The following MASP1 variants were observed in gnomAD, a reference collection of about 807,000 sequenced individuals.
MASP1 encodes mannan-binding lectin serine protease 1.
MASP1 carries 59 observed loss-of-function variants against 77.1 expected under a neutral mutation model. The ratio of observed to expected loss-of-function variants is 0.77; its 90% confidence interval spans 0.62 to 0.95. The LOEUF is 0.95. MASP1 is among the 40% of genes least tolerant of loss of function. The pLI, the probability that MASP1 is intolerant of heterozygous loss-of-function variation, is 0.00. For missense variants in MASP1, 885 were observed against 912.9 expected (o/e 0.97, Z 0.39); for synonymous variants, 362 against 354.5 (o/e 1.02, Z -0.24).
At chr3:187,227,986 G>T (rs1208211560) in intron 11 of MASP1, among the ~76,000 whole-genome samples, 2 of 152,162 alleles carry the variant, frequency 1.3e-5, no homozygotes, top group Non-Finnish European at 2.9e-5. Flanking sequence ...TGAATGACAG[G>T]AGGGAGACAG....
intron 2 of MASP1, among the ~76,000 whole-genome samples, chr3:187,282,202 T>C (rs369221350): frequency 1.3e-5 from 2 of 152,032 alleles, no homozygotes; most frequent in African/African-American, 4.8e-5. Flanking sequence ...TAACTGAAGA[T>C]TTTCAAGAAG....
intron 1 of MASP1, among the ~76,000 whole-genome samples, chr3:187,290,066 A>C (rs4686869): frequency 2.0e-5 from 3 of 152,088 alleles, no homozygotes; most frequent in African/African-American, 7.2e-5. Flanking sequence ...GGAAATAGAC[A>C]TTATGCTAGG....
chr3:187,238,709 T>C (rs1382458814), intron 10 of MASP1, among the ~76,000 whole-genome samples: 1 of 152,194 alleles, frequency 6.6e-6, no homozygotes, highest in South Asian at 2.1e-4. Context: ...TCAAAAGTAT[T>C]GAGTTCACCT....
exon 16 of MASP1, chr3:187,220,209 A>G: frequency 6.2e-7 from 1 of 1,614,146 alleles, no homozygotes; most frequent in Non-Finnish European, 8.5e-7. Context: ...CTCTTTCTCT[A>G]TTCAGGGTCA....
chr3:187,234,003 A>T, downstream of MASP1: 1 of 1,035,624 alleles, frequency 9.7e-7, no homozygotes, highest in Non-Finnish European at 1.2e-6. Context: ...TGGTTTAATG[A>T]GGAGACCAAT....
At chr3:187,224,845 T>C (rs1211404269) in intron 13 of MASP1, among the ~76,000 whole-genome samples, 1 of 152,224 alleles carries the variant, frequency 6.6e-6, no homozygotes, top group Non-Finnish European at 1.5e-5. Context: ...TTCACCCCAG[T>C]AGTGGCCATT....
intron 2 of MASP1, chr3:187,276,695 T>C (rs1488877074): frequency 6.6e-6 from 1 of 152,248 alleles, no homozygotes; most frequent in African/African-American, 2.4e-5. Flanking sequence ...CATTACACTT[T>C]CCTGAAGCAA....
downstream of MASP1, among the ~76,000 whole-genome samples, chr3:187,230,555 C>T (rs975868800): frequency 2.0e-5 from 3 of 152,180 alleles, no homozygotes; most frequent in South Asian, 6.2e-4. Context: ...TCATTATGCT[C>T]CAGCCACATG....
exon 16 of MASP1, chr3:187,217,582 G>T (rs893669528): frequency 6.6e-6 from 1 of 152,192 alleles, no homozygotes; most frequent in African/African-American, 2.4e-5. Context: ...GCAATTGGGG[G>T]TAGTGAGTTT....
intron 8 of MASP1, among the ~76,000 whole-genome samples, chr3:187,249,496 T>C (rs1221450876): frequency 6.6e-6 from 1 of 152,156 alleles, no homozygotes; most frequent in East Asian, 1.9e-4. Context: ...TCCTTATAAG[T>C]CTTTCATTGA....
chr3:187,234,650 A>G lies in MASP1; in HGVS notation c.*1034T>C, dbSNP rs528578897. The G allele has an allele frequency of 3.1e-6, 4 of 1,287,186 alleles. No homozygotes were observed. The African/African-American group carries it at 4.6e-5, about 15-fold the overall frequency. The allele number at this position is 1,287,186 out of a possible 1,614,324, so 79.7% of individuals were successfully genotyped here. Reference sequence around the variant, plus strand: ...GCGGGGTGGATTCTCCGCCCAGCTCATGCCCCAGGGATGCCAGGCAGCCTG... The same window carrying G: ...GCGGGGTGGATTCTCCGCCCAGCTCGTGCCCCAGGGATGCCAGGCAGCCTG... On this transcript the variant is annotated 3_prime_UTR_variant, in exon 11 of 11. Transcript: ENST00000296280.
intron 2 of MASP1, among the ~76,000 whole-genome samples, chr3:187,285,617 C>T (rs1717784010): frequency 6.6e-6 from 1 of 152,044 alleles, no homozygotes. Context: ...GAGTCATACT[C>T]TATCAATCAG....
intron 8 of MASP1, among the ~76,000 whole-genome samples, chr3:187,248,398 C>T (rs1265456045): frequency 6.6e-6 from 1 of 152,130 alleles, no homozygotes; most frequent in Non-Finnish European, 1.5e-5. Flanking sequence ...AGTTAATCCC[C>T]ACAGCAATCT....
chr3:187,283,765 C>A (rs1376530548), intron 2 of MASP1, among the ~76,000 whole-genome samples: 1 of 152,130 alleles, frequency 6.6e-6, no homozygotes, highest in African/African-American at 2.4e-5. Flanking sequence ...CATATTAAAC[C>A]AGTGTTTGGT....
intron 14 of MASP1, chr3:187,223,074 G>T (rs900352670): frequency 2.7e-6 from 4 of 1,455,556 alleles, no homozygotes; most frequent in East Asian, 2.3e-5. Context: ...GAGCAGGAAG[G>T]CCCAGTGCAG....
rs1232239284 is a variant in MASP1, at chr3:187,234,232, T to C, written c.*1452A>G. 1.6e-6 allele frequency: 2 copies of C among 1,287,122 alleles called. No individual in the cohort carries two copies. The highest frequency in any genetic ancestry group is 2.0e-6 in the Non-Finnish European group (2 of 988,708). The allele number at this position is 1,287,122 out of a possible 1,614,324, so 79.7% of individuals were successfully genotyped here. A position where few individuals can be genotyped will look rare whatever the true frequency, so the allele number is the denominator to read the frequency against. On this transcript the variant is annotated 3_prime_UTR_variant, in exon 11 of 11. Transcript: ENST00000296280. ...GCCATTCATAGACAAAGGAGTGTGT[T>C]TGATGAGCCGGTTGAGAAAGTGGAC... is the stretch of plus-strand genomic sequence containing the variant.
chr3:187,243,917 T>G, intron 8 of MASP1: 1 of 444,044 alleles, frequency 2.3e-6, no homozygotes, highest in Non-Finnish European at 4.2e-6. Flanking sequence ...CAGACTCCAG[T>G]CTTTTACCCA....
intron 8 of MASP1, chr3:187,247,238 G>A: frequency 1.2e-6 from 2 of 1,608,952 alleles, no homozygotes; most frequent in African/African-American, 1.3e-5. Context: ...GGGCACGGGG[G>A]TGTTGTGGGT....
intron 1 of MASP1, chr3:187,291,322 G>C (rs1393646325): frequency 8.0e-6 from 4 of 498,684 alleles, no homozygotes; most frequent in Non-Finnish European, 1.1e-5. Context: ...TGAACAGGAG[G>C]AGAGTCACAT....
Sources: gnomAD v4.1 joint callset for allele counts (sites outside exome capture counted in the v4.1 genomes callset) on GRCh38, gnomAD v4.1.1 for gene constraint, MANE v1.5 for transcripts, NCBI Gene and HGNC (gene_info 2026-07-23, HGNC 2026-07-21) for gene names.